The following RBFOX1 variants were observed in gnomAD, a reference collection of about 807,000 sequenced individuals.
RBFOX1 encodes the protein RNA binding protein fox-1 homolog 1.
RBFOX1 carries 8 observed loss-of-function variants against 57.7 expected under a neutral mutation model. The ratio of observed to expected loss-of-function variants is 0.14; its 90% CI spans 0.08 to 0.25. The LOEUF is 0.25. Among genes scored for constraint, RBFOX1 ranks in the 10% least tolerant of loss-of-function variants. RBFOX1 has a pLI of 1.00. For missense variants in RBFOX1, 611 were observed against 548.5 expected (o/e 1.11, Z -1.14); for synonymous variants, 326 against 222.4 (o/e 1.47, Z -4.15).
chr16:5,811,849 T>G (rs1418750689), intron 3 of RBFOX1, among the ~76,000 whole-genome samples: 1 of 152,202 alleles, frequency 6.6e-6, no homozygotes, highest in African/African-American at 2.4e-5. Flanking sequence ...ACTGAATTTA[T>G]GGAGTCATGT....
chr16:7,496,395 G>A (rs1331199960), intron 4 of RBFOX1, among the ~76,000 whole-genome samples: 3 of 152,124 alleles, frequency 2.0e-5, no homozygotes, highest in Non-Finnish European at 4.4e-5. Context: ...CACCTGCCTT[G>A]GCCTCCCAAA....
At chr16:7,285,713 T>G (rs1319757742) in intron 4 of RBFOX1, among the ~76,000 whole-genome samples, 1 of 152,188 alleles carries the variant, frequency 6.6e-6, no homozygotes, top group Non-Finnish European at 1.5e-5. Flanking sequence ...TATAAATAAC[T>G]TATTCCTTTT....
rs8048643 is a variant in RBFOX1 at position 6,436,022 on chromosome 16, G to A, written c.-64+118965G>A. ...TCTTGGGGCAAAAGTTAAAAGTCAA[G>A]TTAGAAATGGTTAAAATCTGCATTT... On this transcript the variant is annotated intron_variant, in intron 2 of 15. Coordinates refer to ENST00000550418, the MANE Select transcript of RBFOX1 (RefSeq NM_018723.4). Among the ~76,000 whole-genome samples, 1,027 of 152,214 alleles carry A rather than the reference G, an allele frequency of 6.7e-3. 10 individuals are homozygous for A. The highest frequency in any genetic ancestry group is 0.024 in the African/African-American group (984 of 41,494).
At chr16:6,514,385 C>T (rs924128111) in intron 2 of RBFOX1, among the ~76,000 whole-genome samples, 1 of 152,134 alleles carries the variant, frequency 6.6e-6, no homozygotes, top group South Asian at 2.1e-4. Flanking sequence ...GAGATTCAGT[C>T]GACTTTCTTT....
intron 3 of RBFOX1, among the ~76,000 whole-genome samples, chr16:7,044,661 G>T (rs1182395974): frequency 6.6e-6 from 1 of 151,770 alleles, no homozygotes. Flanking sequence ...TTTCATTTAG[G>T]CCATAAAATA....
chr16:7,701,055 A>G (rs148774732), intron 14 of RBFOX1, among the ~76,000 whole-genome samples: 18 of 152,184 alleles, frequency 1.2e-4, no homozygotes, highest in African/African-American at 4.1e-4. Flanking sequence ...GTTCCCTCCT[A>G]CTTCTCAGGG....
At chr16:5,287,997 C>G (rs192561651) in intron 1 of RBFOX1, among the ~76,000 whole-genome samples, 1 of 152,138 alleles carries the variant, frequency 6.6e-6, no homozygotes, top group African/African-American at 2.4e-5. Context: ...GGCTGCAGCC[C>G]AGGCAATGGG....
chr16:5,599,275 GC>G (rs1567279865), exon 3 of RBFOX1: 2 of 649,442 alleles, frequency 3.1e-6, no homozygotes, highest in East Asian at 5.4e-5. Flanking sequence ...GTCCCTCTGC[GC>G]CCTGGTGTGA....
At chr16:7,158,150 C>T (rs146411192) in intron 4 of RBFOX1, among the ~76,000 whole-genome samples, 2 of 152,212 alleles carry the variant, frequency 1.3e-5, no homozygotes, top group African/African-American at 2.4e-5. Flanking sequence ...AGTTCGAGAA[C>T]AGCCTGGCCA....
At chr16:5,868,389 A>G (rs1430085330) in intron 4 of RBFOX1, among the ~76,000 whole-genome samples, 1 of 152,226 alleles carries the variant, frequency 6.6e-6, no homozygotes, top group Non-Finnish European at 1.5e-5. Flanking sequence ...AACCTCAGGC[A>G]TAAATGGGTT....
At chr16:7,261,545 C>T (rs2094920099) in intron 4 of RBFOX1, among the ~76,000 whole-genome samples, 1 of 152,146 alleles carries the variant, frequency 6.6e-6, no homozygotes, top group Non-Finnish European at 1.5e-5. Flanking sequence ...AGTAACTTTG[C>T]TCTGAGCTCT....
At chr16:6,953,895 GT>G (rs1206436258) in intron 3 of RBFOX1, among the ~76,000 whole-genome samples, 1 of 151,968 alleles carries the variant, frequency 6.6e-6, no homozygotes, top group Non-Finnish European at 1.5e-5. Context: ...TTGACGTAAA[GT>G]TTTTTTTGGT....
intron 1 of RBFOX1, among the ~76,000 whole-genome samples, chr16:5,253,915 C>G (rs1216103690): frequency 1.3e-5 from 2 of 152,188 alleles, no homozygotes. Flanking sequence ...TCAGGGAAGC[C>G]TGGCCACACT....
intron 3 of RBFOX1, among the ~76,000 whole-genome samples, chr16:6,804,452 G>A (rs1567319738): frequency 6.6e-6 from 1 of 152,152 alleles, no homozygotes; most frequent in South Asian, 2.1e-4. Context: ...AGATTTGACT[G>A]GATGGTACAC....
At chr16:7,701,484 C>T (rs893951961) in intron 14 of RBFOX1, among the ~76,000 whole-genome samples, 1 of 152,162 alleles carries the variant, frequency 6.6e-6, no homozygotes, top group Admixed American at 6.5e-5. Flanking sequence ...AATCTAATGC[C>T]TGATGATCTG....
chr16:6,773,327 A>C (rs114622012), intron 3 of RBFOX1, among the ~76,000 whole-genome samples: 1,832 of 106,996 alleles, frequency 0.017, 61 homozygotes, highest in African/African-American at 0.064. Context: ...TATGGGGTGC[A>C]TTTCTGTGCA....
At chr16:5,356,841 C>T (rs367644956) in intron 1 of RBFOX1, among the ~76,000 whole-genome samples, 5 of 152,052 alleles carry the variant, frequency 3.3e-5, no homozygotes, top group African/African-American at 4.8e-5. Flanking sequence ...TGTTTGTTGC[C>T]GATAGTAATA....
At chr16:7,089,016 G>C (rs1294267873) in intron 4 of RBFOX1, among the ~76,000 whole-genome samples, 3 of 152,138 alleles carry the variant, frequency 2.0e-5, no homozygotes, top group African/African-American at 7.2e-5. Context: ...AATCACATTG[G>C]TTCTTTGACC....
At chr16:6,225,332 C>A (rs951003508) in intron 1 of RBFOX1, among the ~76,000 whole-genome samples, 3 of 152,112 alleles carry the variant, frequency 2.0e-5, no homozygotes, top group African/African-American at 7.2e-5. Flanking sequence ...ACTTGCGTAT[C>A]TTCTAAAAAA....
Sources: gnomAD v4.1 joint callset for allele counts (sites outside exome capture counted in the v4.1 genomes callset) on GRCh38, gnomAD v4.1.1 for gene constraint, MANE v1.5 for transcripts, NCBI Gene and HGNC (gene_info 2026-07-23, HGNC 2026-07-21) for gene names.